The following CPEB3 variants were observed in gnomAD, a reference collection of about 807,000 sequenced individuals.
The protein encoded by CPEB3 is cytoplasmic polyadenylation element binding protein 3, also known as cytoplasmic polyadenylation element-binding protein 3.
A neutral mutation model predicts 67.2 loss-of-function variants in CPEB3; 20 were observed. That is an observed-to-expected ratio of 0.30 (90% confidence interval 0.21 to 0.43). The LOEUF is 0.43. Among genes scored for constraint, CPEB3 ranks in the 20% least tolerant of loss-of-function variants. The pLI is 1.00. For synonymous variants in CPEB3, 376 were observed against 393.1 expected, an observed-to-expected ratio of 0.96 and a Z score of 0.51; for missense variants, 746 against 968.6, an observed-to-expected ratio of 0.77 and a Z score of 3.05.
intron 8 of CPEB3, among the ~76,000 whole-genome samples, 169 bp from the exon 9 acceptor site, chr10:92,081,670 T>C (rs1030570953): frequency 3.3e-5 from 5 of 152,168 alleles, no homozygotes; most frequent in Admixed American, 2.6e-4. Flanking sequence ...GTAGGGAAGG[T>C]CCTCACTGGG....
intron 7 of CPEB3, among the ~76,000 whole-genome samples, chr10:92,106,222 T>G (rs538275605): frequency 2.0e-4 from 31 of 151,708 alleles, no homozygotes; most frequent in Admixed American, 1.5e-3. Flanking sequence ...CATTATACTA[T>G]TAACCTTTTT....
intron 4 of CPEB3, among the ~76,000 whole-genome samples, chr10:92,164,146 G>C (rs1275418254): frequency 1.3e-5 from 2 of 152,256 alleles, no homozygotes; most frequent in Non-Finnish European, 1.5e-5. Flanking sequence ...CTAAGTACTT[G>C]TACGTCTTCT....
chr10:92,233,662 A>G (rs955104807), intron 2 of CPEB3, among the ~76,000 whole-genome samples: 25 of 152,250 alleles, frequency 1.6e-4, no homozygotes, highest in African/African-American at 4.6e-4. Context: ...ATTTGTTTTT[A>G]ATATCATTTG....
At chr10:92,258,209 C>A (rs560880129) in intron 1 of CPEB3, among the ~76,000 whole-genome samples, 95 of 151,718 alleles carry the variant, frequency 6.3e-4, no homozygotes, top group African/African-American at 2.1e-3. Context: ...ATGCAATTAT[C>A]CTGCCTCAGC....
chr10:92,228,448 G>A (rs1564887324), intron 2 of CPEB3, among the ~76,000 whole-genome samples: 1 of 151,830 alleles, frequency 6.6e-6, no homozygotes, highest in African/African-American at 2.4e-5. Flanking sequence ...TTTACCTCTC[G>A]TCTCCTTTAG....
At chr10:92,126,743 C>T (rs1247731804) in intron 6 of CPEB3, among the ~76,000 whole-genome samples, 1 of 152,186 alleles carries the variant, frequency 6.6e-6, no homozygotes, top group Non-Finnish European at 1.5e-5. Context: ...TTATTATCCA[C>T]CAGGTAAAAT....
intron 2 of CPEB3, among the ~76,000 whole-genome samples, chr10:92,212,210 CTTTTT>C (rs998565592): frequency 1.7e-5 from 2 of 119,998 alleles, no homozygotes; most frequent in African/African-American, 3.0e-5. Flanking sequence ...ACAATAAATT[CTTTTT>C]TTTTTTTTTT....
chr10:92,289,732 A>AAAAAAAAAAAAAAAAAAAAAAAAAT, intron 1 of CPEB3, among the ~76,000 whole-genome samples: 1 of 75,772 alleles, frequency 1.3e-5, no homozygotes, highest in Non-Finnish European at 2.6e-5. Flanking sequence ...AAAAAAAAAA[A>AAAAAAAAAAAAAAAAAAAAAAAAAT]ATATATATAT....
At chr10:92,202,476 T>G (rs1849565465) in intron 2 of CPEB3, among the ~76,000 whole-genome samples, 1 of 148,878 alleles carries the variant, frequency 6.7e-6, no homozygotes, top group Non-Finnish European at 1.5e-5. Flanking sequence ...AATGAAGTAC[T>G]ATAAATAAAT....
In CPEB3 at chr10:92,052,105, G is replaced by T. The variant is rs186236139; in HGVS notation, c.*107C>A. 7 of 661,188 alleles carry T rather than the reference G, an allele frequency of 1.1e-5. No individual in the cohort carries two copies. The Admixed American group carries it at 2.0e-4, about 19-fold the overall frequency. 41.0% of individuals were successfully genotyped at this position (661,188 alleles called of 1,614,324 possible). On this transcript the variant is annotated 3_prime_UTR_variant, in exon 10 of 10. Transcript: ENST00000265997. ...AAGACCCAATTCTTCTTTAAAAATC[G>T]AGAACGAATGCACAGATTTCCAGAA...
chr10:92,179,091 C>A (rs1391816480), intron 4 of CPEB3, among the ~76,000 whole-genome samples: 1 of 151,852 alleles, frequency 6.6e-6, no homozygotes, highest in African/African-American at 2.4e-5. Flanking sequence ...AGCAAAATGG[C>A]CGTTTTGGTA....
chr10:92,058,516 T>C (rs1363895017), intron 9 of CPEB3, among the ~76,000 whole-genome samples: 1 of 151,822 alleles, frequency 6.6e-6, no homozygotes, highest in East Asian at 1.9e-4. Context: ...GCCACTGCAC[T>C]CTGGCCTGGG....
In CPEB3 at chr10:92,052,175, A is replaced by G; in HGVS notation, c.*37T>C. On this transcript the variant is annotated 3_prime_UTR_variant, in exon 10 of 10. Coordinates refer to ENST00000265997, the MANE Select transcript of CPEB3 (RefSeq NM_014912.5). ...GTGCCCTCTCTTTTCCCTCCTTGTT[A>G]TCTACTCCAGTACTTGTGGCTGGGT... The G allele has an allele frequency of 6.9e-7, 1 of 1,447,990 alleles. No homozygotes were observed. Among genetic ancestry groups the G allele is most frequent in the South Asian group, 1.1e-5 (1 of 87,036 alleles). 89.7% of individuals were successfully genotyped at this position (1,447,990 alleles called of 1,614,324 possible).
intron 9 of CPEB3, among the ~76,000 whole-genome samples, chr10:92,059,968 AAATC>A (rs1466040950): frequency 2.1e-4 from 32 of 151,998 alleles, no homozygotes; most frequent in Middle Eastern, 3.2e-3. Flanking sequence ...AAAAAAAAAA[AAATC>A]AATCATATCA....
At chr10:92,064,845 C>T (rs1041630480) in intron 9 of CPEB3, among the ~76,000 whole-genome samples, 2 of 152,076 alleles carry the variant, frequency 1.3e-5, no homozygotes. Context: ...CTCAATATAC[C>T]GTGTGTTTCA....
chr10:92,199,678 T>TA (rs1849417828), intron 2 of CPEB3, among the ~76,000 whole-genome samples: 1 of 41,400 alleles, frequency 2.4e-5, no homozygotes, highest in Non-Finnish European at 3.8e-5. Context: ...AGACTCCATC[T>TA]CAAAAAAAAA....
chr10:92,198,540 C>T (rs1849349613), intron 2 of CPEB3, among the ~76,000 whole-genome samples: 1 of 152,206 alleles, frequency 6.6e-6, no homozygotes, highest in Non-Finnish European at 1.5e-5. Flanking sequence ...CTCTTTCTAG[C>T]TTATACCTAG....
At chr10:92,110,926 A>C in intron 7 of CPEB3, 150 bp downstream of exon 7, 1 of 690,596 alleles carries the variant, frequency 1.4e-6, no homozygotes, top group South Asian at 1.7e-5. Context: ...GTTTCCCATC[A>C]CCAACGAAAG....
At chr10:92,261,092 GA>G (rs1023412922) in intron 1 of CPEB3, among the ~76,000 whole-genome samples, 15 of 147,472 alleles carry the variant, frequency 1.0e-4, no homozygotes, top group South Asian at 4.3e-4. Flanking sequence ...ATCATCAGGG[GA>G]AAAAAAAAAG....
Sources: gnomAD v4.1 joint callset for allele counts (sites outside exome capture counted in the v4.1 genomes callset) on GRCh38, gnomAD v4.1.1 for gene constraint, MANE v1.5 for transcripts, NCBI Gene and HGNC (gene_info 2026-07-23, HGNC 2026-07-21) for gene names.